Variants in TMCC1 observed in about 807,000 individuals in gnomAD.
The protein encoded by TMCC1 is transmembrane and coiled-coil domain family 1.
A neutral mutation model predicts 52.4 loss-of-function variants in TMCC1; 15 were observed. That is an observed-to-expected ratio of 0.29 (90% CI 0.19 to 0.44). The LOEUF (loss-of-function observed/expected upper bound fraction) is 0.44, where lower values mean the gene tolerates loss of function less well. Ranked by LOEUF, TMCC1 falls within the 20% of genes least tolerant of loss-of-function variation. The pLI is 1.00. For synonymous variants in TMCC1, 279 were observed against 301.9 expected (o/e 0.92, Z 0.79); for missense variants, 503 against 806.0 (o/e 0.62, Z 4.55).
At chr3:129,674,610 A>G (rs1265864044) in intron 4 of TMCC1, among the ~76,000 whole-genome samples, 1 of 152,124 alleles carries the variant, frequency 6.6e-6, no homozygotes, top group Non-Finnish European at 1.5e-5. Context: ...TAAAGGAGGA[A>G]AGAAAGAGAA....
chr3:129,830,947 T>G (rs2058879189), intron 3 of TMCC1, among the ~76,000 whole-genome samples: 1 of 152,190 alleles, frequency 6.6e-6, no homozygotes. Context: ...TTGTTTTTGT[T>G]TTTTTGAGAC....
chr3:129,885,264 T>C (rs1354785740), intron 1 of TMCC1, among the ~76,000 whole-genome samples: 1 of 152,136 alleles, frequency 6.6e-6, no homozygotes, highest in African/African-American at 2.4e-5. Context: ...AAGAAAACTT[T>C]TGCCAAGTCT....
At chr3:129,709,157 G>A (rs950016619) in intron 4 of TMCC1, among the ~76,000 whole-genome samples, 8 of 151,948 alleles carry the variant, frequency 5.3e-5, no homozygotes, top group Admixed American at 4.6e-4. Context: ...CATAAGACTC[G>A]TGATGTTTTA....
chr3:129,808,920 G>GA (rs1560463636), intron 4 of TMCC1, among the ~76,000 whole-genome samples: 1,247 of 22,182 alleles, frequency 0.056, 19 homozygotes, highest in South Asian at 0.074. Context: ...TAGATATGCT[G>GA]GAAAAAAAAA....
At chr3:129,835,536 A>C (rs2059121707) in intron 2 of TMCC1, among the ~76,000 whole-genome samples, 1 of 152,168 alleles carries the variant, frequency 6.6e-6, no homozygotes, top group African/African-American at 2.4e-5. Context: ...TTCTATAAAG[A>C]ACAAAAATAC....
chr3:129,727,077 G>A (rs762207432), intron 4 of TMCC1, among the ~76,000 whole-genome samples: 3 of 151,498 alleles, frequency 2.0e-5, no homozygotes, highest in Non-Finnish European at 2.9e-5. Flanking sequence ...CCTACTTCAT[G>A]CACTGTCATA....
chr3:129,803,954 G>A (rs1441499700), intron 4 of TMCC1, among the ~76,000 whole-genome samples: 4 of 152,056 alleles, frequency 2.6e-5, no homozygotes, highest in East Asian at 1.9e-4. Flanking sequence ...ATAATTATAT[G>A]TCTAAGGTTT....
intron 4 of TMCC1, among the ~76,000 whole-genome samples, chr3:129,715,565 C>CT (rs1176844402): frequency 2.6e-5 from 4 of 152,118 alleles, no homozygotes; most frequent in African/African-American, 4.8e-5. Flanking sequence ...CAAACACTCT[C>CT]TATCTGCTCT....
At chr3:129,699,130 C>CAGAGA (rs759454147) in intron 4 of TMCC1, among the ~76,000 whole-genome samples, 13 of 152,076 alleles carry the variant, frequency 8.5e-5, no homozygotes, top group Non-Finnish European at 1.5e-4. Context: ...GAGGCCAAGG[C>CAGAGA]AGAGTATCAG....
chr3:129,763,542 CAAAAAA>C (rs11354197), intron 4 of TMCC1, among the ~76,000 whole-genome samples: 4,954 of 44,162 alleles, frequency 0.11, 73 homozygotes, highest in Middle Eastern at 0.3. Context: ...GACCCTGTCT[CAAAAAA>C]AAAAAAAAAA....
chr3:129,870,187 AT>A (rs1347148736), intron 2 of TMCC1, among the ~76,000 whole-genome samples: 3 of 151,992 alleles, frequency 2.0e-5, no homozygotes, highest in Non-Finnish European at 2.9e-5. Flanking sequence ...TTGTCTACAC[AT>A]TTTTTTAAGA....
chr3:129,866,655 G>C (rs1165262489), intron 2 of TMCC1, among the ~76,000 whole-genome samples: 1 of 151,936 alleles, frequency 6.6e-6, no homozygotes, highest in African/African-American at 2.4e-5. Context: ...GGGATTACAG[G>C]TGTGAGCCAC....
chr3:129,683,671 T>C (rs941400399), intron 4 of TMCC1, among the ~76,000 whole-genome samples: 1 of 152,206 alleles, frequency 6.6e-6, no homozygotes, highest in Non-Finnish European at 1.5e-5. Context: ...GCTTTTAGTA[T>C]ACCTATCACC....
At position 129,670,522 on chromosome 3, in the gene TMCC1, A is replaced by G; in HGVS notation, c.1319T>C (p.Ile440Thr). Residue 440 changes from isoleucine (I) to threonine (T), a missense_variant, in exon 5 of 7, where the codon ATC becomes ACC. Transcript: ENST00000393238. ...TTTGGAGCTGGATGCTCCTACAGCG[A>G]TGCCCCCTGTGGTGCTGTTGGCTCC... ...SVGANSTTGG[I>T]AVGASSSKTN... 3 of 1,614,206 alleles carry G rather than the reference A, an allele frequency of 1.9e-6. No individual in the cohort carries two copies. Among genetic ancestry groups the G allele is most frequent in the Non-Finnish European group, 2.5e-6 (3 of 1,180,032 alleles).
intron 1 of TMCC1, among the ~76,000 whole-genome samples, chr3:129,888,708 C>A (rs2061832434): frequency 6.6e-6 from 1 of 152,328 alleles, no homozygotes; most frequent in South Asian, 2.1e-4. Context: ...TAACTCATCA[C>A]CACTAAGTGT....
intron 5 of TMCC1, 65 bp from the exon 6 acceptor site, chr3:129,655,168 C>T (rs1475988201): frequency 1.3e-6 from 2 of 1,566,542 alleles, no homozygotes; most frequent in South Asian, 1.1e-5. Flanking sequence ...GCATTATTTA[C>T]ATCCAACTCC....
chr3:129,829,190 CAG>C (rs1369974649), intron 3 of TMCC1, among the ~76,000 whole-genome samples: 1 of 152,130 alleles, frequency 6.6e-6, no homozygotes, highest in Non-Finnish European at 1.5e-5. Context: ...GAATCAGAAT[CAG>C]AGACTAGAGC....
intron 1 of TMCC1, among the ~76,000 whole-genome samples, chr3:129,890,445 C>T (rs562726151): frequency 6.6e-6 from 1 of 152,208 alleles, no homozygotes; most frequent in Non-Finnish European, 1.5e-5. Flanking sequence ...TCTAATTCTG[C>T]AAATGTTTAC....
intron 4 of TMCC1, among the ~76,000 whole-genome samples, chr3:129,791,759 T>A (rs916716400): frequency 2.6e-5 from 4 of 152,182 alleles, no homozygotes; most frequent in Admixed American, 6.5e-5. Context: ...TGAGATCCAG[T>A]CAAAGAGAAC....
Sources: gnomAD v4.1 joint callset for allele counts (sites outside exome capture counted in the v4.1 genomes callset) on GRCh38, gnomAD v4.1.1 for gene constraint, MANE v1.5 for transcripts, NCBI Gene and HGNC (gene_info 2026-07-23, HGNC 2026-07-21) for gene names.